The following GRM5 variants were observed in gnomAD, a reference collection of about 807,000 sequenced individuals.
The protein encoded by GRM5 is glutamate metabotropic receptor 5.
A neutral mutation model predicts 83.1 loss-of-function variants in GRM5; 19 were observed. The observed-to-expected ratio is 0.23, with a 90% confidence interval of 0.16 to 0.34. The LOEUF (loss-of-function observed/expected upper bound fraction) is 0.34. GRM5 is among the 10% of genes least tolerant of loss of function. The pLI is 1.00. For missense variants in GRM5, 1,160 were observed against 1,588.3 expected (o/e 0.73, Z 4.58); for synonymous variants, 675 against 633.6 (o/e 1.07, Z -0.98).
Position 88,525,599 on chromosome 11 carries a change from G to A in GRM5, c.2631-195C>T, listed in dbSNP as rs142978130. On this transcript the variant is annotated intron_variant, in intron 8 of 9. Transcript: ENST00000305447. ...GCATATGGACAACATCAGGGATGAC[G>A]TTGTTACTTTTTGGTTAAACCACAT... 3.9e-5 allele frequency among the ~76,000 whole-genome samples: 6 copies of A among 152,268 alleles called. No homozygotes were observed. The East Asian group carries it at 1.2e-3, about 29-fold the overall frequency.
intron 3 of GRM5, among the ~76,000 whole-genome samples, chr11:88,769,546 A>C (rs900905307): frequency 1.3e-5 from 2 of 152,040 alleles, no homozygotes; most frequent in African/African-American, 4.8e-5. Context: ...AGCCTGGAGC[A>C]TGTTGTGGTT....
intron 3 of GRM5, among the ~76,000 whole-genome samples, chr11:88,662,816 A>G (rs911607634): frequency 6.6e-6 from 1 of 152,154 alleles, no homozygotes; most frequent in Non-Finnish European, 1.5e-5. Context: ...ACCAGAATGG[A>G]GACTCAAGCC....
chr11:88,825,215 C>T (rs1359676867), intron 3 of GRM5, among the ~76,000 whole-genome samples: 2 of 151,680 alleles, frequency 1.3e-5, no homozygotes, highest in Non-Finnish European at 2.9e-5. Flanking sequence ...AAATCAACTA[C>T]ACTGGATCCT....
intron 3 of GRM5, among the ~76,000 whole-genome samples, chr11:88,720,890 A>C (rs1204641663): frequency 6.6e-6 from 1 of 151,604 alleles, no homozygotes; most frequent in Admixed American, 6.6e-5. Flanking sequence ...GTCTCTATCA[A>C]GAGCAACAAA....
chr11:88,935,181 C>A (rs918029178), intron 2 of GRM5, among the ~76,000 whole-genome samples: 26 of 151,876 alleles, frequency 1.7e-4, no homozygotes, highest in Admixed American at 1.2e-3. Flanking sequence ...TTTTTAGACC[C>A]TGATTTTAGT....
At chr11:88,995,547 A>AG (rs1398706658) in intron 2 of GRM5, among the ~76,000 whole-genome samples, 3 of 141,722 alleles carry the variant, frequency 2.1e-5, no homozygotes, top group Non-Finnish European at 3.0e-5. Context: ...TCCATCTCAA[A>AG]AAAAAAAAAA....
chr11:88,983,996 T>C (rs1271823545), intron 2 of GRM5, among the ~76,000 whole-genome samples: 3 of 152,120 alleles, frequency 2.0e-5, no homozygotes, highest in Non-Finnish European at 4.4e-5. Context: ...AAGAAAATAA[T>C]TGTGCACAGC....
rs189769758 is a variant in GRM5 at position 89,038,457 on chromosome 11, C to T, written c.661+8755G>A. On this transcript the variant is annotated intron_variant, in intron 2 of 9. Coordinates refer to ENST00000305447, the MANE Select transcript of GRM5 (RefSeq NM_001143831.3). ...AAATTCTGTACCATATTGCTTCCTG[C>T]TATTATTGGCATCTGAAGGACAGAG... is the stretch of plus-strand genomic sequence containing the variant. Among the ~76,000 whole-genome samples the T allele has an allele frequency of 5.3e-4, 80 of 152,246 alleles. No individual in the cohort carries two copies. The East Asian group carries it at 0.015, about 29-fold the overall frequency.
At chr11:88,966,927 C>T (rs978264628) in intron 2 of GRM5, among the ~76,000 whole-genome samples, 27 of 152,134 alleles carry the variant, frequency 1.8e-4, no homozygotes, top group South Asian at 4.1e-4. Flanking sequence ...TATGGCCCTC[C>T]GGAATAAAGA....
chr11:88,934,895 T>C (rs1937842870), intron 2 of GRM5, among the ~76,000 whole-genome samples: 1 of 151,906 alleles, frequency 6.6e-6, no homozygotes, highest in Non-Finnish European at 1.5e-5. Flanking sequence ...AGGCCGTCAA[T>C]AGACAATAAG....
intron 9 of GRM5, chr11:88,511,599 A>G (rs1941371291): frequency 6.6e-6 from 1 of 152,318 alleles, no homozygotes; most frequent in Non-Finnish European, 1.5e-5. Context: ...GGAAAGGATG[A>G]ATGAACCATT....
chr11:88,616,150 T>C (rs1052627688), intron 4 of GRM5, among the ~76,000 whole-genome samples: 1 of 152,164 alleles, frequency 6.6e-6, no homozygotes, highest in African/African-American at 2.4e-5. Context: ...AAGCATTTGA[T>C]AAAATAAATT....
intron 8 of GRM5, among the ~76,000 whole-genome samples, chr11:88,557,459 T>G (rs577201951): frequency 6.6e-6 from 1 of 152,192 alleles, no homozygotes; most frequent in Admixed American, 6.6e-5. Context: ...ATGAGTATTA[T>G]GGAATTGGAT....
intron 4 of GRM5, among the ~76,000 whole-genome samples, chr11:88,611,333 T>A (rs891728179): frequency 6.6e-5 from 10 of 152,216 alleles, no homozygotes; most frequent in African/African-American, 2.2e-4. Context: ...TGGCTTTGAT[T>A]CTATTGGGCC....
chr11:89,012,489 TA>T (rs1940730002), intron 2 of GRM5, among the ~76,000 whole-genome samples: 1 of 152,122 alleles, frequency 6.6e-6, no homozygotes, highest in African/African-American at 2.4e-5. Flanking sequence ...TTGTTGCAAA[TA>T]GGGGTATTTT....
intron 2 of GRM5, among the ~76,000 whole-genome samples, chr11:88,988,848 C>A (rs1939847014): frequency 6.9e-6 from 1 of 144,686 alleles, no homozygotes; most frequent in Non-Finnish European, 1.5e-5. Flanking sequence ...CCTAAAAGAG[C>A]TCCTGAAGGA....
chr11:88,982,855 T>C (rs511030), intron 2 of GRM5, among the ~76,000 whole-genome samples: 12,347 of 152,086 alleles, frequency 0.081, 1,552 homozygotes, highest in African/African-American at 0.27. Context: ...TCTCCTGAGG[T>C]CAGAAGTTTG....
At chr11:89,055,665 TTATAA>T (rs1484836295) in intron 1 of GRM5, among the ~76,000 whole-genome samples, 1 of 151,814 alleles carries the variant, frequency 6.6e-6, no homozygotes, top group African/African-American at 2.4e-5. Flanking sequence ...TTTTCAAAGC[TTATAA>T]TATTTTATTT....
At chr11:88,791,690 A>G (rs1050406920) in intron 3 of GRM5, among the ~76,000 whole-genome samples, 2 of 152,168 alleles carry the variant, frequency 1.3e-5, no homozygotes, top group Non-Finnish European at 2.9e-5. Flanking sequence ...GGCAAGTGCT[A>G]TTAAATAAAG....
Sources: allele counts gnomAD v4.1 joint callset (sites outside exome capture counted in the v4.1 genomes callset), GRCh38; gene constraint gnomAD v4.1.1; transcripts MANE v1.5; gene names NCBI Gene and HGNC (gene_info 2026-07-23, HGNC 2026-07-21).